Variants in WNT3A observed in about 807,000 individuals in gnomAD.
WNT3A encodes the protein Wnt family member 3A.
A neutral mutation model predicts 37.0 loss-of-function variants in WNT3A; 17 were observed. The observed-to-expected ratio is 0.46, with a 90% CI of 0.31 to 0.69. The LOEUF (loss-of-function observed/expected upper bound fraction) is 0.69. Among genes scored for constraint, WNT3A ranks in the 30% least tolerant of loss-of-function variants. The pLI is 0.05. For synonymous variants in WNT3A, 187 were observed against 211.0 expected, an observed-to-expected ratio of 0.89 and a Z score of 0.99; for missense variants, 411 against 510.2, an observed-to-expected ratio of 0.81 and a Z score of 1.87.
rs889413231 is a variant in WNT3A, at chr1:228,007,966, G to A, written c.71+767G>A. Reference sequence around the variant, plus strand: ...CTCCACACCAGAAAAGGCGCGTTCCGTGAGACCCTCCCCAGCCTGGCGATG... The same window carrying A: ...CTCCACACCAGAAAAGGCGCGTTCCATGAGACCCTCCCCAGCCTGGCGATG... On this transcript the variant is annotated intron_variant, in intron 1 of 3. Coordinates refer to ENST00000284523, the MANE Select transcript of WNT3A (RefSeq NM_033131.4). The surrounding 1 kb of genome is among the most constrained non-coding windows in gnomAD (Gnocchi z 6.0). 1.3e-5 allele frequency among the ~76,000 whole-genome samples: 2 copies of A among 152,186 alleles called. No individual in the cohort carries two copies. The highest frequency in any genetic ancestry group is 1.9e-4 in the East Asian group (1 of 5,174).
intron 3 of WNT3A, among the ~76,000 whole-genome samples, chr1:228,056,477 C>T (rs1037618444): frequency 2.6e-5 from 4 of 151,940 alleles, no homozygotes; most frequent in Admixed American, 2.6e-4. Context: ...GAAGCAAAAT[C>T]CTCAAATTGA....
intron 1 of WNT3A, among the ~76,000 whole-genome samples, chr1:228,020,299 C>T (rs999176771): frequency 3.3e-5 from 5 of 152,352 alleles, no homozygotes; most frequent in African/African-American, 1.2e-4. Context: ...CCATGGGCAC[C>T]CCCAGGCCCC....
intron 3 of WNT3A, among the ~76,000 whole-genome samples, chr1:228,054,170 A>C (rs747273417): frequency 5.3e-5 from 8 of 152,342 alleles, no homozygotes; most frequent in East Asian, 1.9e-4. Flanking sequence ...TGTCCTGTTC[A>C]CATGGGCAGA....
In WNT3A at chr1:228,037,722, C is replaced by T. The variant is rs2031179024; in HGVS notation, c.314-12934C>T. The stretch of plus-strand genomic sequence containing the variant: ...GCCTCTCTGGTATATCATTAACTCT[C>T]CCCAGTGGGAGGGGAACCCCGGCCG... On this transcript the variant is annotated intron_variant, in intron 2 of 3. Transcript: ENST00000284523. The surrounding 1 kb of genome is among the most constrained non-coding windows in gnomAD (Gnocchi z 4.1). Among the ~76,000 whole-genome samples the T allele has an allele frequency of 6.6e-6, 1 of 152,224 alleles. No individual in the cohort carries two copies. The highest frequency in any genetic ancestry group is 2.4e-5 in the African/African-American group (1 of 41,466).
chr1:228,041,550 TCCAC>T (rs1326669077), intron 2 of WNT3A, among the ~76,000 whole-genome samples: 3 of 151,178 alleles, frequency 2.0e-5, no homozygotes, highest in Admixed American at 1.3e-4. Context: ...CATCCATCCA[TCCAC>T]CATCCATCAA....
chr1:228,022,564 G>A (rs554764402), intron 1 of WNT3A, 103 bp from the exon 2 acceptor site: 101 of 1,377,676 alleles, frequency 7.3e-5, no homozygotes, highest in Non-Finnish European at 8.3e-5. Flanking sequence ...GCTGCGTCTC[G>A]CCCCCCGAAT....
chr1:228,029,216 G>A (rs1181365697), intron 2 of WNT3A, among the ~76,000 whole-genome samples: 5 of 152,190 alleles, frequency 3.3e-5, no homozygotes, highest in East Asian at 3.9e-4. Context: ...GGTACTAACC[G>A]TTTGTGTCTA....
Position 228,038,276 on chromosome 1 carries a change from G to A in WNT3A, c.314-12380G>A, listed in dbSNP as rs964531231. ...CCCGAGGGGAGGCGCCCGGGCGTCG[G>A]CTCCGGCGGGCTCCGGCGGGGACCG... On this transcript the variant is annotated intron_variant, in intron 2 of 3. Coordinates refer to ENST00000284523, the MANE Select transcript of WNT3A (RefSeq NM_033131.4). The surrounding 1 kb of genome is among the most constrained non-coding windows in gnomAD (Gnocchi z 5.7). Among the ~76,000 whole-genome samples the A allele has an allele frequency of 2.6e-5, 4 of 152,050 alleles. No individual in the cohort carries two copies. Among genetic ancestry groups the A allele is most frequent in the African/African-American group, 9.7e-5 (4 of 41,416 alleles).
At chr1:228,034,550 G>A (rs2031090119) in intron 2 of WNT3A, among the ~76,000 whole-genome samples, 1 of 152,174 alleles carries the variant, frequency 6.6e-6, no homozygotes, top group African/African-American at 2.4e-5. Flanking sequence ...CACTGGATAG[G>A]ATGTTAGCTG....
chr1:228,041,718 C>T (rs2031290164), intron 2 of WNT3A, among the ~76,000 whole-genome samples: 1 of 152,162 alleles, frequency 6.6e-6, no homozygotes. Context: ...CTACTGCCTC[C>T]CTTGTGAACT....
At chr1:228,030,402 A>G (rs2030972044) in intron 2 of WNT3A, among the ~76,000 whole-genome samples, 1 of 151,444 alleles carries the variant, frequency 6.6e-6, no homozygotes, top group South Asian at 2.1e-4. Flanking sequence ...TCTCAAAAAA[A>G]AAAAAAGGAA....
chr1:228,025,402 G>A (rs766994120), intron 2 of WNT3A, among the ~76,000 whole-genome samples: 1 of 152,190 alleles, frequency 6.6e-6, no homozygotes, highest in Non-Finnish European at 1.5e-5. Context: ...AGGCTGGAGT[G>A]CAGTGGCATG....
At chr1:228,057,836 A>ATTTGG (rs1256777124) in intron 3 of WNT3A, among the ~76,000 whole-genome samples, 4 of 152,118 alleles carry the variant, frequency 2.6e-5, no homozygotes, top group Admixed American at 6.5e-5. Flanking sequence ...TTTGGTTTTG[A>ATTTGG]TTTGGTTTGG....
rs2031163920 is a variant in WNT3A, at chr1:228,037,167, G to C, written c.314-13489G>C. On this transcript the variant is annotated intron_variant, in intron 2 of 3. Coordinates refer to ENST00000284523, the MANE Select transcript of WNT3A (RefSeq NM_033131.4). This position sits in a 1 kb window ranked among gnomAD's most constrained non-coding sequence, Gnocchi z 4.1. Reference sequence around the variant, plus strand: ...CCTGGGGTTTGCTTCTTCGTACCCAGTGTGGGTGGGGCCTGCAGCAGTGGC... The same window carrying C: ...CCTGGGGTTTGCTTCTTCGTACCCACTGTGGGTGGGGCCTGCAGCAGTGGC... Among the ~76,000 whole-genome samples the C allele has an allele frequency of 1.3e-5, 2 of 152,072 alleles. No homozygotes were observed. Among genetic ancestry groups the C allele is most frequent in the East Asian group, 3.9e-4 (2 of 5,178 alleles).
At position 228,060,220 on chromosome 1, in the gene WNT3A, A is replaced by G. The variant is rs766404258; in HGVS notation, c.*755A>G. 1 of 1,351,788 alleles carries G rather than the reference A, an allele frequency of 7.4e-7. No individual in the cohort carries two copies. Among genetic ancestry groups the G allele is most frequent in the East Asian group, 4.6e-5 (1 of 21,978 alleles). The allele number at this position is 1,351,788 out of a possible 1,614,324, so 83.7% of individuals were successfully genotyped here. A position where few individuals can be genotyped will look rare whatever the true frequency, so the allele number is the denominator to read the frequency against. On this transcript the variant is annotated 3_prime_UTR_variant, in exon 4 of 4. Coordinates refer to ENST00000284523, the MANE Select transcript of WNT3A (RefSeq NM_033131.4). Reference sequence around the variant, plus strand: ...TCTGCAGGAATCCCGGCTCCAGAGCAGGAAATTCAGCCCACCAGCCACCTC... The same window carrying G: ...TCTGCAGGAATCCCGGCTCCAGAGCGGGAAATTCAGCCCACCAGCCACCTC...
chr1:228,016,796 G>A (rs1745416), intron 1 of WNT3A, among the ~76,000 whole-genome samples: 74,222 of 151,860 alleles, frequency 0.49, 18,618 homozygotes, highest in Middle Eastern at 0.63. Flanking sequence ...GGGGAGGTAC[G>A]TGTGTCACAC....
intron 2 of WNT3A, among the ~76,000 whole-genome samples, chr1:228,025,995 G>A (rs1175869893): frequency 6.6e-6 from 1 of 151,440 alleles, no homozygotes; most frequent in African/African-American, 2.4e-5. Flanking sequence ...TTGGGCTCAA[G>A]CAATCCTCTC....
In WNT3A at chr1:228,059,301, G is replaced by A. The variant is rs145403278; in HGVS notation, c.895G>A (p.Val299Ile). 3.7e-5 allele frequency: 59 copies of A among 1,585,366 alleles called. No individual in the cohort carries two copies. The African/African-American group carries it at 7.0e-4, about 19-fold the overall frequency. The change falls in exon 4 of 4, where the codon GTC becomes ATC. Residue 299 changes from valine to isoleucine, a missense_variant. Physicochemically the swap from Val to Ile is conservative, Grantham distance 29 (BLOSUM62 3). Coordinates refer to ENST00000284523, the MANE Select transcript of WNT3A (RefSeq NM_033131.4). ...SFGTRDRTCN[V>I]SSHGIDGCDL... ...CGGCACGCGCGACCGCACCTGCAACGTCAGCTCGCACGGCATCGACGGCTG... is the reference window on the plus strand; with the variant it reads ...CGGCACGCGCGACCGCACCTGCAACATCAGCTCGCACGGCATCGACGGCTG...
Position 228,042,744 on chromosome 1 carries a change from A to T in WNT3A, c.314-7912A>T, listed in dbSNP as rs566059298. 1.6e-4 allele frequency among the ~76,000 whole-genome samples: 24 copies of T among 151,580 alleles called. No individual in the cohort carries two copies. The highest frequency in any genetic ancestry group is 1.8e-4 in the Non-Finnish European group (12 of 67,856). ...ATGTATGGATAATGTATGGATATGGATGATGAATGGATGAATGGTGGATGA... is the reference window on the plus strand; with the variant it reads ...ATGTATGGATAATGTATGGATATGGTTGATGAATGGATGAATGGTGGATGA... On this transcript the variant is annotated intron_variant, in intron 2 of 3. Transcript: ENST00000284523. This position sits in a 1 kb window ranked among gnomAD's most constrained non-coding sequence, Gnocchi z 5.2.
Sources: gnomAD v4.1 joint callset for allele counts (sites outside exome capture counted in the v4.1 genomes callset) on GRCh38, gnomAD v4.1.1 for gene constraint, Gnocchi (gnomAD v3.1) non-coding constraint, MANE v1.5 for transcripts, NCBI Gene and HGNC (gene_info 2026-07-23, HGNC 2026-07-21) for gene names.